Variants in ALCAM observed in about 807,000 individuals in gnomAD.
The protein encoded by ALCAM is activated leukocyte cell adhesion molecule.
ALCAM carries 30 observed loss-of-function variants against 70.9 expected under a neutral mutation model. The ratio of observed to expected loss-of-function variants is 0.42; its 90% CI spans 0.32 to 0.57. The LOEUF (loss-of-function observed/expected upper bound fraction) is 0.57. Ranked by LOEUF, ALCAM falls within the 20% of genes least tolerant of loss-of-function variation. ALCAM has a pLI of 0.11. For missense variants in ALCAM, 591 were observed against 695.1 expected (o/e 0.85, Z 1.68); for synonymous variants, 249 against 242.5 (o/e 1.03, Z -0.25).
At chr3:105,403,194 A>C (rs1936134745) in intron 1 of ALCAM, among the ~76,000 whole-genome samples, 1 of 151,828 alleles carries the variant, frequency 6.6e-6, no homozygotes, top group African/African-American at 2.4e-5. Context: ...TGATCCACCC[A>C]CCTCAGCCTC....
chr3:105,525,686 G>A (rs1270132870), intron 3 of ALCAM, among the ~76,000 whole-genome samples: 3 of 152,082 alleles, frequency 2.0e-5, no homozygotes, highest in Admixed American at 2.0e-4. Context: ...GTATTTATAC[G>A]GACTTCAAAG....
chr3:105,518,670 G>C (rs1335284275), intron 1 of ALCAM, among the ~76,000 whole-genome samples: 1 of 151,974 alleles, frequency 6.6e-6, no homozygotes, highest in African/African-American at 2.4e-5. Flanking sequence ...TAAAATTATA[G>C]AGATAAATTT....
chr3:105,505,923 G>A (rs1939061857), intron 1 of ALCAM, among the ~76,000 whole-genome samples: 1 of 152,074 alleles, frequency 6.6e-6, no homozygotes, highest in Non-Finnish European at 1.5e-5. Context: ...AAAGGCTTTA[G>A]AACAAATAGA....
chr3:105,540,776 C>T (rs943357937), intron 7 of ALCAM, among the ~76,000 whole-genome samples: 9 of 151,998 alleles, frequency 5.9e-5, no homozygotes, highest in Admixed American at 5.9e-4. Flanking sequence ...TAATGCAACT[C>T]AATACTGCAT....
chr3:105,418,597 T>C (rs1936565944), intron 1 of ALCAM, among the ~76,000 whole-genome samples: 1 of 151,788 alleles, frequency 6.6e-6, no homozygotes, highest in African/African-American at 2.4e-5. Context: ...TTGGGTTATG[T>C]TTTTCTCTTG....
chr3:105,468,332 G>A (rs1037525295), intron 1 of ALCAM, among the ~76,000 whole-genome samples: 33 of 151,242 alleles, frequency 2.2e-4, no homozygotes, highest in African/African-American at 7.8e-4. Flanking sequence ...TCAATCATTG[G>A]TTCATTGGTT....
At chr3:105,570,092 G>A (rs1176474275) in intron 14 of ALCAM, among the ~76,000 whole-genome samples, 1 of 152,178 alleles carries the variant, frequency 6.6e-6, no homozygotes, top group East Asian at 1.9e-4. Context: ...CAGTTCTTTT[G>A]TTCATAGGGT....
chr3:105,534,924 A>T, intron 6 of ALCAM, 79 bp downstream of exon 6: 2 of 1,335,126 alleles, frequency 1.5e-6, no homozygotes, highest in South Asian at 1.5e-5. Context: ...TGAGGTCCCA[A>T]TCCAATTACT....
At chr3:105,474,673 T>A (rs1160369035) in intron 1 of ALCAM, among the ~76,000 whole-genome samples, 1 of 151,734 alleles carries the variant, frequency 6.6e-6, no homozygotes, top group East Asian at 1.9e-4. Flanking sequence ...AATCTCTTTT[T>A]TTTACGTATG....
At chr3:105,543,304 C>T (rs526297) in intron 8 of ALCAM, among the ~76,000 whole-genome samples, 126,996 of 151,582 alleles carry the variant, frequency 0.84, 53,354 homozygotes, top group East Asian at 0.96. Flanking sequence ...AAAAGTTTAA[C>T]TGGATTTTAG....
intron 1 of ALCAM, among the ~76,000 whole-genome samples, chr3:105,383,943 T>G (rs1223729078): frequency 1.3e-5 from 2 of 151,668 alleles, no homozygotes; most frequent in East Asian, 3.9e-4. Flanking sequence ...TCACGGCATT[T>G]CTCATAATCT....
At chr3:105,473,552 A>G (rs1340954070) in intron 1 of ALCAM, among the ~76,000 whole-genome samples, 1 of 151,632 alleles carries the variant, frequency 6.6e-6, no homozygotes. Context: ...CTTAAATACA[A>G]ACTGGTAAAC....
intron 1 of ALCAM, among the ~76,000 whole-genome samples, chr3:105,374,506 CTTGT>C (rs1177358923): frequency 6.6e-6 from 1 of 151,864 alleles, no homozygotes; most frequent in Non-Finnish European, 1.5e-5. Context: ...TAATGTGATG[CTTGT>C]TTTTTGTTTT....
chr3:105,413,449 T>G (rs1309612827), intron 1 of ALCAM, among the ~76,000 whole-genome samples: 1 of 152,122 alleles, frequency 6.6e-6, no homozygotes, highest in Non-Finnish European at 1.5e-5. Flanking sequence ...TTTGCACATC[T>G]TTCCAATCTT....
chr3:105,455,285 C>G (rs909283271), intron 1 of ALCAM, among the ~76,000 whole-genome samples: 7 of 151,018 alleles, frequency 4.6e-5, no homozygotes, highest in African/African-American at 1.7e-4. Context: ...ACTAAAAATA[C>G]AAAAAAATTA....
chr3:105,393,381 T>C (rs1045489815), intron 1 of ALCAM, among the ~76,000 whole-genome samples: 6 of 151,792 alleles, frequency 4.0e-5, no homozygotes, highest in Admixed American at 4.0e-4. Flanking sequence ...TTTATACATG[T>C]TATGGCGAGC....
intron 1 of ALCAM, among the ~76,000 whole-genome samples, chr3:105,479,055 G>A (rs1428695021): frequency 6.6e-6 from 1 of 152,052 alleles, no homozygotes; most frequent in Non-Finnish European, 1.5e-5. Flanking sequence ...TTTAGGAAAC[G>A]AGATAATAGA....
intron 1 of ALCAM, among the ~76,000 whole-genome samples, chr3:105,441,117 G>T (rs559533058): frequency 6.6e-6 from 1 of 152,146 alleles, no homozygotes; most frequent in Non-Finnish European, 1.5e-5. Flanking sequence ...TAATCACTCG[G>T]TTATTAACAG....
intron 14 of ALCAM, among the ~76,000 whole-genome samples, chr3:105,559,603 A>T (rs764948942): frequency 6.6e-6 from 1 of 152,116 alleles, no homozygotes; most frequent in African/African-American, 2.4e-5. Flanking sequence ...TGATGGTCAT[A>T]TCATCTATTT....
Sources: allele counts gnomAD v4.1 joint callset (sites outside exome capture counted in the v4.1 genomes callset), GRCh38; gene constraint gnomAD v4.1.1; transcripts MANE v1.5; gene names NCBI Gene and HGNC (gene_info 2026-07-23, HGNC 2026-07-21).